Variants in WDR25 observed in about 807,000 individuals in gnomAD.
WDR25 encodes WD repeat domain 25.
WDR25 carries 35 observed loss-of-function variants against 47.7 expected under a neutral mutation model. The observed-to-expected ratio is 0.73, with a 90% CI of 0.56 to 0.97. WDR25 has a LOEUF of 0.97. Ranked by LOEUF, WDR25 falls within the 50% of genes least tolerant of loss-of-function variation. The pLI is 0.00. For missense variants in WDR25, 634 were observed against 704.7 expected, an observed-to-expected ratio of 0.90 and a Z score of 1.14; for synonymous variants, 248 against 278.9, an observed-to-expected ratio of 0.89 and a Z score of 1.10.
Position 100,525,021 on chromosome 14 carries a change from A to G in WDR25, c.1102-849A>G, listed in dbSNP as rs1038916531. On this transcript the variant is annotated intron_variant, in intron 4 of 6. Transcript: ENST00000402312. The surrounding 1 kb of genome is among the most constrained non-coding windows in gnomAD (Gnocchi z 4.6). The stretch of plus-strand genomic sequence containing the variant: ...ACTGAACTGTTTATGCTGCAGCCAC[A>G]TGGTGGCGGCCCAGGAACTGGTAAA... Among the ~76,000 whole-genome samples the G allele has an allele frequency of 2.6e-5, 4 of 152,222 alleles. No individual in the cohort carries two copies. Among genetic ancestry groups the G allele is most frequent in the African/African-American group, 9.7e-5 (4 of 41,446 alleles).
rs758605752 is a variant in WDR25 at position 100,525,881 on chromosome 14, C to G, written c.1113C>G (p.Ser371Arg). Reference protein sequence around the residue: ...WDIRTGKVMRSYKATIQQTLD... With the variant: ...WDIRTGKVMRRYKATIQQTLD... Reference sequence around the variant, plus strand: ...GTCCGCTCTTGCAGGTGATGAGAAGCTACAAGGCGACCATCCAGCAGACCT... The same window carrying G: ...GTCCGCTCTTGCAGGTGATGAGAAGGTACAAGGCGACCATCCAGCAGACCT... Residue 371 changes from serine (S) to arginine (R), a missense_variant, in exon 5 of 7, where the codon AGC becomes AGG. By Grantham distance (110) the Ser-to-Arg change is moderately radical. Transcript: ENST00000402312. This position sits in a 1 kb window ranked among gnomAD's most constrained non-coding sequence, Gnocchi z 4.6. 1 of 1,613,820 alleles carries G rather than the reference C, an allele frequency of 6.2e-7. No individual in the cohort carries two copies. Among genetic ancestry groups the G allele is most frequent in the South Asian group, 1.1e-5 (1 of 91,068 alleles).
chr14:100,464,017 G>A (rs968456203), intron 2 of WDR25, among the ~76,000 whole-genome samples: 1 of 152,130 alleles, frequency 6.6e-6, no homozygotes, highest in Admixed American at 6.5e-5. Flanking sequence ...GGCAGCTGGA[G>A]TGGTCCTACT....
intron 2 of WDR25, among the ~76,000 whole-genome samples, chr14:100,420,149 A>G (rs1897985155): frequency 6.6e-6 from 1 of 152,220 alleles, no homozygotes; most frequent in Non-Finnish European, 1.5e-5. Flanking sequence ...CCTGGAAGCT[A>G]CTGTCTCCTG....
chr14:100,396,079 A>C (rs1320250279), intron 2 of WDR25, among the ~76,000 whole-genome samples: 2 of 146,136 alleles, frequency 1.4e-5, no homozygotes, highest in African/African-American at 5.1e-5. Context: ...CGGGTTCATG[A>C]CATTCTCCTG....
In WDR25 at chr14:100,518,389, G is replaced by T. The variant is rs140630177; in HGVS notation, c.1102-7481G>T. Reference sequence around the variant, plus strand: ...TAATTCTTCATTTTTTTTTTTCCTGGGCACTGTCAAGGTTTTTTCTTTGAG... The same window carrying T: ...TAATTCTTCATTTTTTTTTTTCCTGTGCACTGTCAAGGTTTTTTCTTTGAG... On this transcript the variant is annotated intron_variant, in intron 4 of 6. Coordinates refer to ENST00000402312, the MANE Select transcript of WDR25 (RefSeq NM_001161476.3). Among the ~76,000 whole-genome samples the T allele has an allele frequency of 5.6e-4, 85 of 151,222 alleles. 1 individual carries two copies. The highest frequency in any genetic ancestry group is 1.9e-3 in the African/African-American group (79 of 41,196).
intron 2 of WDR25, among the ~76,000 whole-genome samples, chr14:100,401,207 C>G (rs1288760154): frequency 6.6e-6 from 1 of 152,178 alleles, no homozygotes; most frequent in Non-Finnish European, 1.5e-5. Context: ...GGAGAGACCT[C>G]CCCCTCCCCG....
chr14:100,419,181 C>G (rs1429088237), intron 2 of WDR25, among the ~76,000 whole-genome samples: 1 of 148,998 alleles, frequency 6.7e-6, no homozygotes, highest in Non-Finnish European at 1.5e-5. Context: ...GAGATCACGC[C>G]ACTGCACTCC....
chr14:100,484,192 G>T (rs1229704872), intron 4 of WDR25, 68 bp downstream of exon 4: 22 of 1,550,910 alleles, frequency 1.4e-5, no homozygotes, highest in African/African-American at 2.8e-5. Context: ...AATAATTGGG[G>T]GCAGGTCAGC....
intron 1 of WDR25, chr14:100,376,879 C>A (rs1487390667): frequency 4.9e-6 from 3 of 614,978 alleles, no homozygotes; most frequent in Non-Finnish European, 6.6e-6. Context: ...TCTCCCCCTC[C>A]CACCCGTTTG....
At chr14:100,434,151 G>T (rs1898428150) in intron 2 of WDR25, among the ~76,000 whole-genome samples, 1 of 152,182 alleles carries the variant, frequency 6.6e-6, no homozygotes, top group Admixed American at 6.5e-5. Flanking sequence ...CATTGCTACT[G>T]GGGGTCACTG....
intron 4 of WDR25, among the ~76,000 whole-genome samples, chr14:100,517,895 G>C (rs1432899824): frequency 6.6e-6 from 1 of 152,020 alleles, no homozygotes; most frequent in African/African-American, 2.4e-5. Context: ...AACCAGATAA[G>C]CCTTTTTACC....
Position 100,440,084 on chromosome 14 carries a change from C to T in WDR25, c.823-27937C>T, listed in dbSNP as rs1411120582. Among the ~76,000 whole-genome samples the T allele has an allele frequency of 6.6e-6, 1 of 152,170 alleles. No individual in the cohort carries two copies. Among genetic ancestry groups the T allele is most frequent in the East Asian group, 1.9e-4 (1 of 5,194 alleles). On this transcript the variant is annotated intron_variant, in intron 2 of 6. Coordinates refer to ENST00000402312, the MANE Select transcript of WDR25 (RefSeq NM_001161476.3). The surrounding 1 kb of genome is among the most constrained non-coding windows in gnomAD (Gnocchi z 4.4). The stretch of plus-strand genomic sequence containing the variant: ...TCCCTAAAAGCAGCATAGTCATTTT[C>T]GAGTCACTCTCTGATAAAGATAGAA...
chr14:100,475,741 T>C (rs1219084844), intron 3 of WDR25, among the ~76,000 whole-genome samples: 1 of 152,172 alleles, frequency 6.6e-6, no homozygotes, highest in African/African-American at 2.4e-5. Context: ...CAGTTAATAA[T>C]GTGTATTTCA....
At position 100,468,040 on chromosome 14, in the gene WDR25, C is replaced by G. The variant is rs746445610; in HGVS notation, c.842C>G (p.Ser281Cys). Residue 281 changes from serine (S) to cysteine (C), a missense_variant, in exon 3 of 7, where the codon TCC becomes TGC. Ser to Cys is a moderately radical substitution (Grantham distance 112). Coordinates refer to ENST00000402312, the MANE Select transcript of WDR25 (RefSeq NM_001161476.3). The surrounding 1 kb of genome is among the most constrained non-coding windows in gnomAD (Gnocchi z 4.5). The stretch of plus-strand genomic sequence containing the variant: ...CTGCAGGTATGGAACGCCGTGGACT[C>G]CGGGCACTGCCTGCAGACCTACTCC... ...KTFKVWNAVD[S>C]GHCLQTYSLH... The G allele has an allele frequency of 2.5e-6, 4 of 1,613,152 alleles. No individual in the cohort carries two copies. In the East Asian group the frequency reaches 8.9e-5, roughly 36 times the overall value.
chr14:100,470,527 G>T (rs1394236956), intron 3 of WDR25, among the ~76,000 whole-genome samples: 5 of 152,194 alleles, frequency 3.3e-5, no homozygotes, highest in Non-Finnish European at 7.3e-5. Flanking sequence ...TTGACAGGGG[G>T]TTCTGAAATT....
intron 2 of WDR25, among the ~76,000 whole-genome samples, chr14:100,413,283 T>A (rs181926172): frequency 6.6e-6 from 1 of 152,350 alleles, no homozygotes; most frequent in Non-Finnish European, 1.5e-5. Flanking sequence ...ACCTTTCCCC[T>A]GACCCACAGT....
intron 2 of WDR25, among the ~76,000 whole-genome samples, chr14:100,386,847 C>T (rs962736498): frequency 1.3e-5 from 2 of 151,828 alleles, no homozygotes; most frequent in Non-Finnish European, 2.9e-5. Flanking sequence ...GAGCCCAGAT[C>T]GCACCACTGC....
intron 2 of WDR25, among the ~76,000 whole-genome samples, chr14:100,438,757 T>C (rs796563111): frequency 1.7e-4 from 26 of 152,376 alleles, no homozygotes; most frequent in Middle Eastern, 3.4e-3. Context: ...TGTTATTTCA[T>C]TGAATCTTGT....
At position 100,440,398 on chromosome 14, in the gene WDR25, TGGA is replaced by T. The variant is rs1898633719; in HGVS notation, c.823-27620_823-27618del. On this transcript the variant is annotated intron_variant, in intron 2 of 6. Coordinates refer to ENST00000402312, the MANE Select transcript of WDR25 (RefSeq NM_001161476.3). This position sits in a 1 kb window ranked among gnomAD's most constrained non-coding sequence, Gnocchi z 4.4. ...GCCAGACACCTGGCTTTGAGTCCCG[TGGA>T]GGCATGCCACTTAGTCTGTTCTGAG... is the stretch of plus-strand genomic sequence containing the variant. 6.6e-6 allele frequency among the ~76,000 whole-genome samples: 1 copy of T among 152,230 alleles called. No individual in the cohort carries two copies. Among genetic ancestry groups the T allele is most frequent in the Non-Finnish European group, 1.5e-5 (1 of 68,042 alleles).
Sources: allele counts gnomAD v4.1 joint callset (sites outside exome capture counted in the v4.1 genomes callset), GRCh38; gene constraint gnomAD v4.1.1; non-coding constraint Gnocchi (gnomAD v3.1); transcripts MANE v1.5; gene names NCBI Gene and HGNC (gene_info 2026-07-23, HGNC 2026-07-21).